Variants in KCNIP4 observed in about 807,000 individuals in gnomAD.
KCNIP4 encodes Kv channel-interacting protein 4.
Under a neutral mutation model 34.0 loss-of-function variants are expected in KCNIP4, and 12 were observed. The observed-to-expected ratio is 0.35, with a 90% CI of 0.23 to 0.57. The LOEUF (loss-of-function observed/expected upper bound fraction) is 0.57. Among genes scored for constraint, KCNIP4 ranks in the 20% least tolerant of loss-of-function variants. The probability of loss-of-function intolerance (pLI) is 0.83; values close to 1 mark genes in which losing one functional copy is unlikely to be tolerated. For missense variants in KCNIP4, 238 were observed against 311.7 expected (o/e 0.76, Z 1.78); for synonymous variants, 124 against 102.2 (o/e 1.21, Z -1.29).
chr4:21,142,206 C>G (rs1424476429), intron 1 of KCNIP4, among the ~76,000 whole-genome samples: 1 of 149,358 alleles, frequency 6.7e-6, no homozygotes, highest in Non-Finnish European at 1.5e-5. Context: ...TAAACAAAAT[C>G]TAGGCTGCCC....
chr4:21,637,182 A>T (rs917613002), intron 1 of KCNIP4, among the ~76,000 whole-genome samples: 2 of 152,096 alleles, frequency 1.3e-5, no homozygotes, highest in African/African-American at 2.4e-5. Flanking sequence ...AATGTCAAAC[A>T]CTTGGCACTT....
At chr4:21,447,059 C>T (rs552716108) in intron 1 of KCNIP4, among the ~76,000 whole-genome samples, 1 of 152,172 alleles carries the variant, frequency 6.6e-6, no homozygotes, top group Admixed American at 6.5e-5. Flanking sequence ...AGCCTGTCGG[C>T]CTGCCCTACA....
chr4:21,610,700 A>T (rs1438846495), intron 1 of KCNIP4, among the ~76,000 whole-genome samples: 1 of 152,174 alleles, frequency 6.6e-6, no homozygotes, highest in African/African-American at 2.4e-5. Flanking sequence ...ATACTGCTAC[A>T]AAGAAAAACC....
intron 1 of KCNIP4, among the ~76,000 whole-genome samples, chr4:21,381,124 C>T (rs964943529): frequency 6.6e-6 from 1 of 152,164 alleles, no homozygotes; most frequent in Non-Finnish European, 1.5e-5. Context: ...TGTTCTGTGC[C>T]TTCGTTAATA....
chr4:21,948,122 C>T (rs1386956560), intron 1 of KCNIP4, among the ~76,000 whole-genome samples: 1 of 152,048 alleles, frequency 6.6e-6, no homozygotes, highest in Non-Finnish European at 1.5e-5. Context: ...TACCAGGGGA[C>T]AAAAATACAG....
At position 21,147,956 on chromosome 4, in the gene KCNIP4, A is replaced by AAAAAG. The variant is rs1553945839; in HGVS notation, c.62-265252_62-265248dup. ...CTCCGTCTCAAAAAAAAAAAAAAAA[A>AAAAAG]AAAAGAAAAAAAGTTCAAGTACTTT... On this transcript the variant is annotated intron_variant, in intron 1 of 8. Coordinates refer to ENST00000382152, the MANE Select transcript of KCNIP4 (RefSeq NM_025221.6). Among the ~76,000 whole-genome samples the AAAAAG allele has an allele frequency of 7.7e-3, 983 of 127,846 alleles. 20 individuals are homozygous for AAAAAG. The highest frequency in any genetic ancestry group is 0.021 in the African/African-American group (687 of 32,270). 83.9% of individuals were successfully genotyped at this position (127,846 alleles called of 152,430 possible).
intron 1 of KCNIP4, among the ~76,000 whole-genome samples, chr4:20,944,230 G>A (rs1731949910): frequency 6.6e-6 from 1 of 152,188 alleles, no homozygotes; most frequent in African/African-American, 2.4e-5. Flanking sequence ...CCCTGAAAGG[G>A]AATCTCTGGC....
At chr4:21,930,004 C>T (rs1729473895) in intron 1 of KCNIP4, among the ~76,000 whole-genome samples, 1 of 152,066 alleles carries the variant, frequency 6.6e-6, no homozygotes, top group Admixed American at 6.6e-5. Flanking sequence ...CTCTATTCTC[C>T]TCCTAAGTGA....
At chr4:21,424,863 G>A (rs1725803557) in intron 1 of KCNIP4, among the ~76,000 whole-genome samples, 1 of 152,164 alleles carries the variant, frequency 6.6e-6, no homozygotes, top group African/African-American at 2.4e-5. Flanking sequence ...GCCACATGTT[G>A]GAAGAAACAA....
intron 1 of KCNIP4, among the ~76,000 whole-genome samples, chr4:21,208,596 C>T (rs868492303): frequency 1.3e-5 from 2 of 152,118 alleles, no homozygotes; most frequent in African/African-American, 4.8e-5. Flanking sequence ...TGGTCATTGA[C>T]GGTCTTTTTT....
intron 2 of KCNIP4, among the ~76,000 whole-genome samples, chr4:20,852,463 A>G (rs7668308): frequency 0.35 from 53,425 of 152,016 alleles, 10,425 homozygotes; most frequent in Admixed American, 0.46. Flanking sequence ...ATTGGCATAC[A>G]AGGCACATAC....
rs539490121 is a variant in KCNIP4 at position 21,925,408 on chromosome 4, T to A, written c.61+23163A>T. Among the ~76,000 whole-genome samples the A allele has an allele frequency of 2.6e-5, 4 of 152,274 alleles. No individual in the cohort carries two copies. The South Asian group carries it at 8.3e-4, about 32-fold the overall frequency. ...TTCATCCATGTCCCTACAAAGGACA[T>A]GAACTCATCATTTTTTATGGCTGCA... On this transcript the variant is annotated intron_variant, in intron 1 of 8. Coordinates refer to ENST00000382152, the MANE Select transcript of KCNIP4 (RefSeq NM_025221.6).
intron 1 of KCNIP4, among the ~76,000 whole-genome samples, chr4:21,139,847 T>C (rs895048830): frequency 6.6e-6 from 1 of 152,180 alleles, no homozygotes; most frequent in African/African-American, 2.4e-5. Context: ...TATGACACTA[T>C]TTTTAGAAGT....
At position 21,691,615 on chromosome 4, in the gene KCNIP4, A is replaced by C. The variant is rs868235190; in HGVS notation, c.61+256956T>G. Among the ~76,000 whole-genome samples, 5 of 150,796 alleles carry C rather than the reference A, an allele frequency of 3.3e-5. No individual in the cohort carries two copies. The South Asian group carries it at 1.1e-3, about 32-fold the overall frequency. ...AAACGTTTCTTTAAGTACTTAAACG[A>C]GGCACTGATGTGTAAGTGCTGAAGT... On this transcript the variant is annotated intron_variant, in intron 1 of 8. Coordinates refer to ENST00000382152, the MANE Select transcript of KCNIP4 (RefSeq NM_025221.6).
intron 1 of KCNIP4, among the ~76,000 whole-genome samples, chr4:21,446,217 G>A (rs1221398336): frequency 5.9e-5 from 9 of 152,220 alleles, no homozygotes; most frequent in South Asian, 2.1e-4. Context: ...TCAGTGTGGC[G>A]ATTCCTCAGG....
Position 21,151,405 on chromosome 4 carries a change from A to ATTTTTTTTTTTTTTTTTTTTT in KCNIP4, c.62-268697_62-268696insAAAAAAAAAAAAAAAAAAAAA, listed in dbSNP as rs1491541435. Reference sequence around the variant, plus strand: ...AGAATGGATGTCTTCAACAAAAGACAATTTTTTTTTTTTTTTTTTTTTTTT... The same window carrying ATTTTTTTTTTTTTTTTTTTTT: ...AGAATGGATGTCTTCAACAAAAGACATTTTTTTTTTTTTTTTTTTTTATTTTTTTTTTTTTTTTTTTTTTTT... On this transcript the variant is annotated intron_variant, in intron 1 of 8. Coordinates refer to ENST00000382152, the MANE Select transcript of KCNIP4 (RefSeq NM_025221.6). 1.2e-4 allele frequency among the ~76,000 whole-genome samples: 11 copies of ATTTTTTTTTTTTTTTTTTTTT among 93,512 alleles called. 4 individuals carry two copies. Among genetic ancestry groups the ATTTTTTTTTTTTTTTTTTTTT allele is most frequent in the African/African-American group, 1.2e-4 (3 of 24,702 alleles). 61.3% of individuals were successfully genotyped at this position (93,512 alleles called of 152,430 possible). A position where few individuals can be genotyped will look rare whatever the true frequency, so the allele number is the denominator to read the frequency against.
intron 1 of KCNIP4, among the ~76,000 whole-genome samples, chr4:21,248,017 G>GAT (rs1272081291): frequency 7.6e-4 from 106 of 139,442 alleles, no homozygotes; most frequent in African/African-American, 2.1e-3. Flanking sequence ...CCCACAGGTG[G>GAT]ATATATATAT....
At chr4:21,014,306 A>G (rs1739315609) in intron 1 of KCNIP4, among the ~76,000 whole-genome samples, 1 of 152,078 alleles carries the variant, frequency 6.6e-6, no homozygotes, top group African/African-American at 2.4e-5. Flanking sequence ...TTTCCCCTCA[A>G]AGCCCATCAT....
At chr4:20,753,653 T>A (rs558921269) in intron 4 of KCNIP4, among the ~76,000 whole-genome samples, 1 of 152,214 alleles carries the variant, frequency 6.6e-6, no homozygotes, top group Non-Finnish European at 1.5e-5. Context: ...AATATACAAT[T>A]CATGACATCG....
Sources: allele counts gnomAD v4.1 joint callset (sites outside exome capture counted in the v4.1 genomes callset), GRCh38; gene constraint gnomAD v4.1.1; transcripts MANE v1.5; gene names NCBI Gene and HGNC (gene_info 2026-07-23, HGNC 2026-07-21).